The following PAM variants were observed in gnomAD, a reference collection of about 807,000 sequenced individuals.
PAM encodes the protein peptidylglycine alpha-amidating monooxygenase.
PAM carries 72 observed loss-of-function variants against 122.1 expected under a neutral mutation model. The ratio of observed to expected loss-of-function variants is 0.59; its 90% CI spans 0.49 to 0.72. PAM has a LOEUF of 0.72. Ranked by LOEUF, PAM falls within the 30% of genes least tolerant of loss-of-function variation. PAM has a pLI of 0.00. For synonymous variants in PAM, 389 were observed against 404.4 expected, an observed-to-expected ratio of 0.96 and a Z score of 0.46; for missense variants, 1,106 against 1,183.7, an observed-to-expected ratio of 0.93 and a Z score of 0.96.
At chr5:102,870,140 C>T (rs1032087617) in intron 3 of PAM, among the ~76,000 whole-genome samples, 1 of 147,868 alleles carries the variant, frequency 6.8e-6, no homozygotes, top group African/African-American at 2.5e-5. Flanking sequence ...AGAAGAGCAA[C>T]AAAATTTAAA....
chr5:102,986,023 A>G (rs868087296), intron 15 of PAM, among the ~76,000 whole-genome samples: 2 of 152,208 alleles, frequency 1.3e-5, no homozygotes, highest in South Asian at 4.1e-4. Context: ...AGCATTTGCT[A>G]AAATTCTATT....
intron 14 of PAM, among the ~76,000 whole-genome samples, chr5:102,972,302 G>A (rs1582378230): frequency 6.6e-6 from 1 of 152,036 alleles, no homozygotes; most frequent in East Asian, 1.9e-4. Context: ...TTTTTTTTGA[G>A]ATGAGGTCTG....
intron 5 of PAM, among the ~76,000 whole-genome samples, chr5:102,914,719 A>G (rs1802583109): frequency 6.6e-6 from 1 of 152,072 alleles, no homozygotes; most frequent in Non-Finnish European, 1.5e-5. Context: ...TGATTCAGTA[A>G]GTTGTTTACG....
Position 103,025,169 on chromosome 5 carries a change from C to T in PAM, c.2524C>T (p.Pro842Ser). 1 of 1,613,684 alleles carries T rather than the reference C, an allele frequency of 6.2e-7. No individual in the cohort carries two copies. Among genetic ancestry groups the T allele is most frequent in the Admixed American group, 1.7e-5 (1 of 59,988 alleles). The change falls in exon 24 of 26, where the codon CCC becomes TCC. Residue 842 changes from proline (P) to serine (S), a missense_variant. Pro to Ser is a moderately conservative substitution (Grantham distance 74). Around this residue, in one of 3 missense-constraint regions of PAM, gnomAD observed 333 missense variants for 335.6 expected, o/e 0.99. Transcript: ENST00000438793. ...TGTTGAAACCAAAATGGAGAACAAA[C>T]CCACCTCCTCAGAATTGCAGAAGAT... ...AVVETKMENK[P>S]TSSELQKMQE...
chr5:102,932,094 C>G (rs1001497170), intron 7 of PAM, among the ~76,000 whole-genome samples: 3 of 152,136 alleles, frequency 2.0e-5, no homozygotes, highest in African/African-American at 7.2e-5. Flanking sequence ...AGTTAGAACA[C>G]TCAGAGGATG....
At chr5:102,817,127 C>G (rs913964418) in intron 1 of PAM, among the ~76,000 whole-genome samples, 5 of 152,106 alleles carry the variant, frequency 3.3e-5, no homozygotes, top group African/African-American at 1.2e-4. Context: ...CTTTTTCCCT[C>G]ATTTACTGTG....
chr5:102,864,820 G>T (rs1445645678), intron 1 of PAM, among the ~76,000 whole-genome samples: 1 of 152,052 alleles, frequency 6.6e-6, no homozygotes, highest in Non-Finnish European at 1.5e-5. Context: ...TTTTTATATT[G>T]TGAATTATAC....
chr5:102,793,570 T>G (rs2150018003), intron 1 of PAM, among the ~76,000 whole-genome samples: 1 of 152,178 alleles, frequency 6.6e-6, no homozygotes, highest in Admixed American at 6.5e-5. Context: ...AGTGGAAATG[T>G]TTGAAATTTT....
At chr5:102,787,989 T>G (rs987155144) in intron 1 of PAM, among the ~76,000 whole-genome samples, 18 of 152,094 alleles carry the variant, frequency 1.2e-4, no homozygotes, top group Non-Finnish European at 2.5e-4. Flanking sequence ...TAAAATAGTA[T>G]CATATCTGTG....
intron 3 of PAM, among the ~76,000 whole-genome samples, chr5:102,889,658 A>G (rs1310168176): frequency 6.6e-6 from 1 of 151,872 alleles, no homozygotes; most frequent in Admixed American, 6.6e-5. Context: ...GTGGTTATGG[A>G]AGGAATATCA....
intron 1 of PAM, among the ~76,000 whole-genome samples, chr5:102,816,727 A>T (rs1769931438): frequency 6.6e-6 from 1 of 152,074 alleles, no homozygotes; most frequent in Non-Finnish European, 1.5e-5. Flanking sequence ...CCTGACTCTA[A>T]AAGTTGGAGT....
intron 24 of PAM, among the ~76,000 whole-genome samples, chr5:103,027,894 A>G (rs1010559292): frequency 2.0e-5 from 3 of 152,230 alleles, no homozygotes; most frequent in African/African-American, 7.2e-5. Context: ...CCTTACAGAC[A>G]GGGATTCTCC....
In PAM at chr5:103,028,190, G is replaced by C. The variant is rs200219181; in HGVS notation, c.2695G>C (p.Glu899Gln). 8.7e-6 allele frequency: 14 copies of C among 1,612,456 alleles called. No homozygotes were observed. In the East Asian group the frequency reaches 2.9e-4, roughly 33 times the overall value. The change falls in exon 25 of 26, where the codon GAA (glutamate) becomes CAA (glutamine). Residue 899 changes from glutamate to glutamine, a missense_variant. Physicochemically the swap from Glu to Gln is conservative, Grantham distance 29 (BLOSUM62 2). Coordinates refer to ENST00000438793, the MANE Select transcript of PAM (RefSeq NM_001177306.2). The part of the protein sequence containing the change: ...WKKSRAFGDS[E>Q]HKLETSSGRV... ...GTGCCATCTTTTTTTAGCAGATTCTGAACACAAACTCGAGACGAGTTCAGG... is the reference window on the plus strand; with the variant it reads ...GTGCCATCTTTTTTTAGCAGATTCTCAACACAAACTCGAGACGAGTTCAGG...
chr5:102,970,467 T>G (rs968893668), intron 14 of PAM, among the ~76,000 whole-genome samples: 1 of 152,160 alleles, frequency 6.6e-6, no homozygotes, highest in African/African-American at 2.4e-5. Flanking sequence ...GGATATGTTA[T>G]GTTAGAGGAG....
At chr5:103,008,088 T>C (rs1040742929) in intron 20 of PAM, among the ~76,000 whole-genome samples, 2 of 152,084 alleles carry the variant, frequency 1.3e-5, no homozygotes, top group African/African-American at 4.8e-5. Flanking sequence ...TAAGTGTGGC[T>C]TATGCCTAAA....
chr5:102,950,028 A>G, intron 11 of PAM, 50 bp downstream of exon 11: 1 of 947,794 alleles, frequency 1.1e-6, no homozygotes. Context: ...TAACCAGCAG[A>G]AAGTAATTTT....
chr5:103,014,139 GGAGTGTTT>G (rs1336594037), intron 21 of PAM, among the ~76,000 whole-genome samples: 2 of 152,112 alleles, frequency 1.3e-5, no homozygotes, highest in Admixed American at 6.5e-5. Context: ...TTGTATTAGT[GGAGTGTTT>G]GCCTTGCTCA....
rs1317218639 is a variant in PAM, at chr5:102,948,377, G to A, written c.576-1G>A. ...TAGAAAAATGTTATTTTTTTCTGCA[G>A]ACAGCCTTTAATTGCTGGCATGTAC... On this transcript the variant is annotated splice_acceptor_variant, in intron 8 of 25. Transcript: ENST00000438793. LOFTEE classifies it high-confidence loss of function. 2.6e-6 allele frequency: 4 copies of A among 1,564,382 alleles called. No individual in the cohort carries two copies.
chr5:102,866,179 G>C lies in PAM; in HGVS notation c.-17G>C, dbSNP rs1253637436. 2 of 1,589,332 alleles carry C rather than the reference G, an allele frequency of 1.3e-6. No individual in the cohort carries two copies. Among genetic ancestry groups the C allele is most frequent in the Non-Finnish European group, 1.7e-6 (2 of 1,159,462 alleles). On this transcript the variant is annotated 5_prime_UTR_variant, in exon 2 of 26. Coordinates refer to ENST00000438793, the MANE Select transcript of PAM (RefSeq NM_001177306.2). ...CGCTGCCCGGTCCTCTCCCGGCGGG[G>C]TCGTATCGGCGTGGACATGGCTGGC...
Sources: gnomAD v4.1 joint callset for allele counts (sites outside exome capture counted in the v4.1 genomes callset) on GRCh38, gnomAD v4.1.1 for gene constraint, gnomAD v4.1.1 regional missense constraint, MANE v1.5 for transcripts, NCBI Gene and HGNC (gene_info 2026-07-23, HGNC 2026-07-21) for gene names.